Variants in MKLN1 observed in about 807,000 individuals in gnomAD.
MKLN1 encodes muskelin 1.
MKLN1 carries 18 observed loss-of-function variants against 99.0 expected under a neutral mutation model. The ratio of observed to expected loss-of-function variants is 0.18; its 90% CI spans 0.13 to 0.27. The LOEUF (loss-of-function observed/expected upper bound fraction) is 0.27. MKLN1 is among the 10% of genes least tolerant of loss of function. MKLN1 has a pLI of 1.00. For missense variants in MKLN1, 621 were observed against 875.9 expected, an observed-to-expected ratio of 0.71 and a Z score of 3.67; for synonymous variants, 288 against 293.2, an observed-to-expected ratio of 0.98 and a Z score of 0.18.
intron 3 of MKLN1, among the ~76,000 whole-genome samples, chr7:131,283,579 C>G (rs1285357232): frequency 6.6e-6 from 1 of 151,790 alleles, no homozygotes. Flanking sequence ...GGACTACAGG[C>G]ATGCACCACC....
At chr7:131,238,319 A>G (rs1293082848) in intron 3 of MKLN1, among the ~76,000 whole-genome samples, 1 of 152,228 alleles carries the variant, frequency 6.6e-6, no homozygotes, top group African/African-American at 2.4e-5. Flanking sequence ...AGTGACTGAT[A>G]TAGTAGTGAA....
At chr7:131,450,092 T>C (rs1353445750) in intron 12 of MKLN1, among the ~76,000 whole-genome samples, 2 of 152,176 alleles carry the variant, frequency 1.3e-5, no homozygotes, top group Non-Finnish European at 2.9e-5. Context: ...TTCCCATTGC[T>C]GCTTCACTAT....
chr7:131,484,673 T>C (rs1797224285), intron 17 of MKLN1, among the ~76,000 whole-genome samples: 1 of 152,190 alleles, frequency 6.6e-6, no homozygotes, highest in Non-Finnish European at 1.5e-5. Flanking sequence ...TTCTACATAC[T>C]CAGAACGTAA....
intron 2 of MKLN1, among the ~76,000 whole-genome samples, chr7:131,150,141 ACAAGGCT>A (rs1316671466): frequency 6.6e-6 from 1 of 152,156 alleles, no homozygotes; most frequent in Non-Finnish European, 1.5e-5. Context: ...CCTTTCTAGT[ACAAGGCT>A]CAGTACTAGG....
At chr7:131,162,088 C>CA (rs1364934498) in intron 2 of MKLN1, among the ~76,000 whole-genome samples, 2 of 150,594 alleles carry the variant, frequency 1.3e-5, no homozygotes, top group African/African-American at 4.9e-5. Flanking sequence ...GGCCGGAGTG[C>CA]AGTGGCACGA....
chr7:131,333,377 A>G (rs980803711), intron 1 of MKLN1, among the ~76,000 whole-genome samples: 5 of 152,078 alleles, frequency 3.3e-5, no homozygotes, highest in African/African-American at 1.2e-4. Flanking sequence ...GCCCAGCCAA[A>G]ATTTATTATG....
rs551433955 is a variant in MKLN1 at position 131,190,459 on chromosome 7, GAA to G, written c.-296-12384_-296-12383del. Among the ~76,000 whole-genome samples, 58 of 133,200 alleles carry G rather than the reference GAA, an allele frequency of 4.4e-4. 1 individual carries two copies. The highest frequency in any genetic ancestry group is 1.3e-3 in the African/African-American group (48 of 36,388). The allele number at this position is 133,200 out of a possible 152,430, so 87.4% of individuals were successfully genotyped here. On this transcript the variant is annotated intron_variant, in intron 2 of 7. Coordinates refer to the MKLN1 transcript ENST00000416992. ...ATTTCCATTCTTTGCTTGCAGCTCT[GAA>G]AAAAAAAAAAAAATCTAAAGAGCCC...
At chr7:131,166,037 C>T (rs1796118487) in intron 2 of MKLN1, among the ~76,000 whole-genome samples, 1 of 152,048 alleles carries the variant, frequency 6.6e-6, no homozygotes, top group Non-Finnish European at 1.5e-5. Context: ...ACTGCTTGAA[C>T]CTGGGAGGTC....
At chr7:131,219,018 C>A (rs1183230821) in intron 3 of MKLN1, among the ~76,000 whole-genome samples, 1 of 151,948 alleles carries the variant, frequency 6.6e-6, no homozygotes, top group Non-Finnish European at 1.5e-5. Context: ...TTCTTAGGAA[C>A]AGAAAGCAGA....
chr7:131,289,941 G>T (rs1956286288), intron 3 of MKLN1, among the ~76,000 whole-genome samples: 2 of 152,184 alleles, frequency 1.3e-5, no homozygotes, highest in South Asian at 2.1e-4. Context: ...GGGAACACAT[G>T]ACCAATTTCC....
At chr7:131,478,568 T>G in intron 16 of MKLN1, 55 bp from the exon 17 acceptor site, 1 of 1,465,076 alleles carries the variant, frequency 6.8e-7, no homozygotes, top group Middle Eastern at 2.1e-4. Flanking sequence ...TTTCCTTCAG[T>G]GCACTTAGCC....
intron 3 of MKLN1, among the ~76,000 whole-genome samples, chr7:131,266,245 A>G (rs1380061996): frequency 6.6e-6 from 1 of 152,062 alleles, no homozygotes; most frequent in African/African-American, 2.4e-5. Context: ...GTATACTGGA[A>G]AGAATATGGT....
chr7:131,219,034 G>T (rs1797025102), intron 3 of MKLN1, among the ~76,000 whole-genome samples: 3 of 152,132 alleles, frequency 2.0e-5, no homozygotes, highest in Admixed American at 6.5e-5. Flanking sequence ...GCAGAATGGT[G>T]GTTGCCAGAA....
intron 8 of MKLN1, among the ~76,000 whole-genome samples, chr7:131,426,444 A>T (rs1210406079): frequency 6.6e-6 from 1 of 152,138 alleles, no homozygotes; most frequent in Non-Finnish European, 1.5e-5. Context: ...AAAATTCTTT[A>T]ATTTTTTTTT....
chr7:131,462,094 A>G (rs1351952538), intron 12 of MKLN1, among the ~76,000 whole-genome samples: 1 of 152,158 alleles, frequency 6.6e-6, no homozygotes, highest in Non-Finnish European at 1.5e-5. Context: ...GTACAATGGC[A>G]TGATAATAGC....
rs972770466 is a variant in MKLN1, at chr7:131,336,985, G to A, written c.98+8988G>A. ...TCTTTGAAGAATATATTAAATGACTGTACAGTTCTACATTATTAGCTGTTA... is the reference window on the plus strand; with the variant it reads ...TCTTTGAAGAATATATTAAATGACTATACAGTTCTACATTATTAGCTGTTA... On this transcript the variant is annotated intron_variant, in intron 1 of 17. Coordinates refer to ENST00000352689, the MANE Select transcript of MKLN1 (RefSeq NM_013255.5). Among the ~76,000 whole-genome samples, 8 of 152,082 alleles carry A rather than the reference G, an allele frequency of 5.3e-5. No homozygotes were observed. The South Asian group carries it at 1.7e-3, about 32-fold the overall frequency.
rs1441660055 is a variant in MKLN1, at chr7:131,318,904, G to A, written c.-178-56520G>A. Among the ~76,000 whole-genome samples the A allele has an allele frequency of 5.9e-5, 9 of 152,176 alleles. No individual in the cohort carries two copies. The South Asian group carries it at 1.0e-3, about 18-fold the overall frequency. On this transcript the variant is annotated intron_variant, in intron 3 of 7. Transcript: ENST00000416992. Reference sequence around the variant, plus strand: ...CCCAAGACTAAACCAGGAAGAAGTCGAATCCCTGAATAGACCAATAACAGG... The same window carrying A: ...CCCAAGACTAAACCAGGAAGAAGTCAAATCCCTGAATAGACCAATAACAGG...
chr7:131,288,802 T>G (rs1436224887), intron 3 of MKLN1, among the ~76,000 whole-genome samples: 1 of 152,204 alleles, frequency 6.6e-6, no homozygotes, highest in Non-Finnish European at 1.5e-5. Context: ...TATTGCTGCA[T>G]GCTTTTTGCT....
At chr7:131,305,785 C>T (rs1018844227) in intron 3 of MKLN1, among the ~76,000 whole-genome samples, 1 of 152,174 alleles carries the variant, frequency 6.6e-6, no homozygotes, top group African/African-American at 2.4e-5. Context: ...ACATCACAGC[C>T]TTTCCATAAA....
Sources: gnomAD v4.1 joint callset for allele counts (sites outside exome capture counted in the v4.1 genomes callset) on GRCh38, gnomAD v4.1.1 for gene constraint, MANE v1.5 for transcripts, NCBI Gene and HGNC (gene_info 2026-07-23, HGNC 2026-07-21) for gene names.